The following SLC35F1 variants were observed in gnomAD, a reference collection of about 807,000 sequenced individuals.
SLC35F1 encodes chromosome 6 open reading frame 169.
SLC35F1 carries 14 observed loss-of-function variants against 48.7 expected under a neutral mutation model. The ratio of observed to expected loss-of-function variants is 0.29; its 90% CI spans 0.19 to 0.45. The LOEUF (loss-of-function observed/expected upper bound fraction) is 0.45, where lower values mean the gene tolerates loss of function less well. Ranked by LOEUF, SLC35F1 falls within the 20% of genes least tolerant of loss-of-function variation. The pLI, the probability that SLC35F1 is intolerant of heterozygous loss-of-function variation, is 1.00. For missense variants in SLC35F1, 404 were observed against 500.0 expected (o/e 0.81, Z 1.83); for synonymous variants, 190 against 202.2 (o/e 0.94, Z 0.51).
chr6:118,232,441 G>C lies in SLC35F1; in HGVS notation c.350-3068G>C, dbSNP rs550957933. On this transcript the variant is annotated intron_variant, in intron 2 of 7. Coordinates refer to ENST00000360388, the MANE Select transcript of SLC35F1 (RefSeq NM_001029858.4). ...TGCATGCCTGTAATCCCAGCTACACGGGAGGCTGAGGCAGGAGAATCGCTT... is the reference window on the plus strand; with the variant it reads ...TGCATGCCTGTAATCCCAGCTACACCGGAGGCTGAGGCAGGAGAATCGCTT... 2.1e-4 allele frequency among the ~76,000 whole-genome samples: 32 copies of C among 151,752 alleles called. No individual in the cohort carries two copies. The South Asian group carries it at 5.9e-3, about 28-fold the overall frequency.
chr6:118,047,545 A>C (rs1772318418), intron 1 of SLC35F1, among the ~76,000 whole-genome samples: 2 of 152,182 alleles, frequency 1.3e-5, no homozygotes. Context: ...CATTTCTTCC[A>C]AGGCTGAGCT....
chr6:118,018,481 C>T (rs779556069), intron 1 of SLC35F1, among the ~76,000 whole-genome samples: 1 of 151,968 alleles, frequency 6.6e-6, no homozygotes, highest in African/African-American at 2.4e-5. Flanking sequence ...TTATATATAT[C>T]GAAAGCATTT....
At chr6:117,921,252 A>T (rs1452844125) in intron 1 of SLC35F1, among the ~76,000 whole-genome samples, 1 of 152,230 alleles carries the variant, frequency 6.6e-6, no homozygotes, top group Non-Finnish European at 1.5e-5. Flanking sequence ...CACTGAATTG[A>T]TACCACCTAA....
At chr6:118,009,577 C>T (rs1032523125) in intron 1 of SLC35F1, among the ~76,000 whole-genome samples, 1 of 152,122 alleles carries the variant, frequency 6.6e-6, no homozygotes, top group Non-Finnish European at 1.5e-5. Context: ...GACAGTTTTG[C>T]CCAGGGTCAC....
chr6:118,109,738 C>T lies in SLC35F1; in HGVS notation c.174-44707C>T, dbSNP rs559738663. On this transcript the variant is annotated intron_variant, in intron 1 of 7. Transcript: ENST00000360388. ...CCTCTCACTGTCTGGCAGGACATCT[C>T]ACAAACTATGCCAGACACACCAGGA... Among the ~76,000 whole-genome samples, 3 of 152,138 alleles carry T rather than the reference C, an allele frequency of 2.0e-5. No homozygotes were observed. In the East Asian group the frequency reaches 5.8e-4, roughly 29 times the overall value.
At chr6:118,164,107 A>C (rs1387708276) in intron 2 of SLC35F1, among the ~76,000 whole-genome samples, 3 of 152,216 alleles carry the variant, frequency 2.0e-5, no homozygotes, top group African/African-American at 7.2e-5. Context: ...GAGGACTCGA[A>C]GAAGCATCAT....
chr6:118,139,404 G>A (rs571579725), intron 1 of SLC35F1, among the ~76,000 whole-genome samples: 92 of 152,272 alleles, frequency 6.0e-4, no homozygotes, highest in Non-Finnish European at 4.9e-4. Context: ...GAGCCACCGC[G>A]CCCAGCCTTT....
At chr6:118,279,368 T>G (rs1775954666) in intron 6 of SLC35F1, among the ~76,000 whole-genome samples, 1 of 152,194 alleles carries the variant, frequency 6.6e-6, no homozygotes, top group African/African-American at 2.4e-5. Flanking sequence ...AGGGTTGCGT[T>G]TGGGATGTGT....
At chr6:118,140,707 T>A (rs1281119495) in intron 1 of SLC35F1, among the ~76,000 whole-genome samples, 1 of 152,088 alleles carries the variant, frequency 6.6e-6, no homozygotes, top group African/African-American at 2.4e-5. Flanking sequence ...TTCATGGGTA[T>A]TATTGCCCTA....
intron 1 of SLC35F1, among the ~76,000 whole-genome samples, chr6:118,128,717 C>T (rs990220643): frequency 6.0e-5 from 9 of 150,928 alleles, no homozygotes; most frequent in South Asian, 4.2e-4. Flanking sequence ...TGCTAAATGA[C>T]GACTTAATGG....
chr6:118,260,445 G>T (rs575196079), intron 3 of SLC35F1, among the ~76,000 whole-genome samples: 20 of 151,282 alleles, frequency 1.3e-4, no homozygotes, highest in African/African-American at 4.7e-4. Context: ...CAGGTTTAGG[G>T]TTTTTAATTT....
intron 1 of SLC35F1, among the ~76,000 whole-genome samples, chr6:117,924,495 TATGTATATACGTATATAC>T (rs1215747256): frequency 1.8e-4 from 4 of 22,806 alleles, no homozygotes; most frequent in South Asian, 6.0e-3. Context: ...CGTATATACA[TATGTATATACGTATATAC>T]ATATATATAT....
At chr6:118,173,041 A>G (rs538210075) in intron 2 of SLC35F1, among the ~76,000 whole-genome samples, 19 of 152,150 alleles carry the variant, frequency 1.2e-4, no homozygotes, top group Non-Finnish European at 2.6e-4. Context: ...AGAAAGGAAA[A>G]GATAATGAGA....
chr6:118,162,193 A>G (rs1487221040), intron 2 of SLC35F1, among the ~76,000 whole-genome samples: 1 of 152,236 alleles, frequency 6.6e-6, no homozygotes, highest in African/African-American at 2.4e-5. Context: ...AAAAAGAAAT[A>G]AGCTACTGAT....
intron 1 of SLC35F1, among the ~76,000 whole-genome samples, chr6:117,956,489 C>A (rs572243092): frequency 6.6e-6 from 1 of 152,212 alleles, no homozygotes; most frequent in African/African-American, 2.4e-5. Context: ...ATTAAACCTT[C>A]AATGAGTGCT....
At chr6:118,111,536 A>C (rs1247186113) in intron 1 of SLC35F1, among the ~76,000 whole-genome samples, 2 of 152,212 alleles carry the variant, frequency 1.3e-5, no homozygotes, top group Non-Finnish European at 2.9e-5. Flanking sequence ...AGACTTTCTC[A>C]GACAAAGAAA....
chr6:118,305,897 C>G (rs908944280), intron 7 of SLC35F1, among the ~76,000 whole-genome samples: 1 of 152,122 alleles, frequency 6.6e-6, no homozygotes, highest in Admixed American at 6.5e-5. Context: ...TTATTTACCT[C>G]GTGGAGTGAC....
rs558966492 is a variant in SLC35F1 at position 117,994,117 on chromosome 6, A to G, written c.173+86218A>G. ...GCAGAATTAAGTTCCCTGTGGTTGT[A>G]GGACTCAGGTCCCTGTTTCCTTGCT... On this transcript the variant is annotated intron_variant, in intron 1 of 7. Coordinates refer to ENST00000360388, the MANE Select transcript of SLC35F1 (RefSeq NM_001029858.4). Among the ~76,000 whole-genome samples the G allele has an allele frequency of 1.4e-4, 22 of 152,236 alleles. No homozygotes were observed. The South Asian group carries it at 4.4e-3, about 30-fold the overall frequency.
At chr6:117,990,003 C>T (rs1776895876) in intron 1 of SLC35F1, among the ~76,000 whole-genome samples, 1 of 152,028 alleles carries the variant, frequency 6.6e-6, no homozygotes, top group African/African-American at 2.4e-5. Context: ...CTTAGCATAT[C>T]GTCCTGACAG....
Sources: allele counts gnomAD v4.1 joint callset (sites outside exome capture counted in the v4.1 genomes callset), GRCh38; gene constraint gnomAD v4.1.1; transcripts MANE v1.5; gene names NCBI Gene and HGNC (gene_info 2026-07-23, HGNC 2026-07-21).